Variants in KNL1 observed in about 807,000 individuals in gnomAD.
KNL1 encodes outer kinetochore KNL1 complex subunit KNL1.
A neutral mutation model predicts 201.3 loss-of-function variants in KNL1; 66 were observed. The observed-to-expected ratio is 0.33, with a 90% confidence interval of 0.27 to 0.40. The LOEUF (loss-of-function observed/expected upper bound fraction) is 0.40. Ranked by LOEUF, KNL1 falls within the 10% of genes least tolerant of loss-of-function variation. KNL1 has a pLI of 1.00. For missense variants in KNL1, 2,815 were observed against 2,690.5 expected (o/e 1.05, Z -1.02); for synonymous variants, 895 against 899.2 (o/e 1.00, Z 0.08).
rs1892580058 is a variant in KNL1, at chr15:40,622,600, T to G, written c.2336T>G (p.Leu779Arg). Reference protein sequence around the residue: ...TVVIGFGPSELQELGKTNLEH... With the variant: ...TVVIGFGPSERQELGKTNLEH... ...GTCATTGGATTTGGTCCTTCTGAAC[T>G]ACAAGAACTTGGTAAAACTAATTTA... is the stretch of plus-strand genomic sequence containing the variant. The change falls in exon 10 of 26, where the codon CTA (leucine) becomes CGA (arginine). Residue 779 changes from leucine (L) to arginine (R), a missense_variant. Coordinates refer to ENST00000399668, the MANE Select transcript of KNL1 (RefSeq NM_144508.5). 14 of 1,607,408 alleles carry G rather than the reference T, an allele frequency of 8.7e-6. 1 individual carries two copies. The highest frequency in any genetic ancestry group is 1.7e-4 in the Middle Eastern group (1 of 6,040).
rs1270326551 is a variant in KNL1, at chr15:40,620,832, A to G, written c.568A>G (p.Thr190Ala). The stretch of plus-strand genomic sequence containing the variant: ...ATTTCTAGCTAATTTAAAGCTTCAC[A>G]CCGAGGACTCAAGAATGAAAAAAGA... ...TSFLANLKLHTEDSRMKKEVN... is the reference protein window; with the variant it reads ...TSFLANLKLHAEDSRMKKEVN... Residue 190 changes from threonine to alanine, a missense_variant, in exon 10 of 26, where the codon ACC becomes GCC. Coordinates refer to ENST00000399668, the MANE Select transcript of KNL1 (RefSeq NM_144508.5). The G allele has an allele frequency of 6.2e-7, 1 of 1,604,552 alleles. No individual in the cohort carries two copies. The highest frequency in any genetic ancestry group is 2.2e-5 in the East Asian group (1 of 44,828).
Position 40,622,349 on chromosome 15 carries a change from G to A in KNL1, c.2085G>A (p.Leu695=), listed in dbSNP as rs1449498253. The change falls in exon 10 of 26, where the codon TTG becomes TTA. Residue 695 remains leucine, a synonymous_variant. Transcript: ENST00000399668. ...NRNTVSWEQS[L]FSTTKPLFSS... ...ATACAGTATCATGGGAACAATCTTT[G>A]TTTTCTACCACAAAGCCATTATTTT... 1 of 1,613,724 alleles carries A rather than the reference G, an allele frequency of 6.2e-7. No individual in the cohort carries two copies. The highest frequency in any genetic ancestry group is 8.5e-7 in the Non-Finnish European group (1 of 1,179,884).
At chr15:40,636,077 A>G (rs1893047705) in intron 13 of KNL1, among the ~76,000 whole-genome samples, 1 of 152,136 alleles carries the variant, frequency 6.6e-6, no homozygotes, top group Admixed American at 6.5e-5. Flanking sequence ...ACCTCTGGTG[A>G]TCTGCCTGCC....
At chr15:40,615,058 T>G (rs1467050693) in intron 7 of KNL1, among the ~76,000 whole-genome samples, 8 of 152,214 alleles carry the variant, frequency 5.3e-5, no homozygotes, top group Admixed American at 5.2e-4. Flanking sequence ...CCACCACGGC[T>G]GGCTGATAAT....
At chr15:40,604,995 G>A in intron 2 of KNL1, 115 bp from the exon 3 acceptor site, 1 of 641,790 alleles carries the variant, frequency 1.6e-6, no homozygotes, top group South Asian at 2.0e-5. Flanking sequence ...GCTTGCCAGA[G>A]TGCTAAGAGA....
chr15:40,650,143 G>T, intron 17 of KNL1, 158 bp from the exon 18 acceptor site: 34 of 439,076 alleles, frequency 7.7e-5, no homozygotes, highest in East Asian at 1.3e-4. Context: ...AAAAAAAATA[G>T]AAACCATCAG....
chr15:40,609,852 TA>T (rs955104360), intron 5 of KNL1, among the ~76,000 whole-genome samples: 2 of 152,044 alleles, frequency 1.3e-5, no homozygotes, highest in African/African-American at 4.8e-5. Flanking sequence ...TAAAAATAAA[TA>T]AATAAATAAA....
Position 40,625,490 on chromosome 15 carries a change from C to T in KNL1, c.5226C>T (p.Tyr1742=), listed in dbSNP as rs1595928817. 1 of 1,612,962 alleles carries T rather than the reference C, an allele frequency of 6.2e-7. No individual in the cohort carries two copies. The highest frequency in any genetic ancestry group is 8.5e-7 in the Non-Finnish European group (1 of 1,179,790). Residue 1742 remains tyrosine, a synonymous_variant, in exon 10 of 26, where the codon TAC becomes TAT. Coordinates refer to ENST00000399668, the MANE Select transcript of KNL1 (RefSeq NM_144508.5). ...ETEEKALIET[Y]QKEISPYENK... ...AGGAAAAGGCCTTGATTGAGACATA[C>T]CAAAAAGAGATTTCACCATATGAAA... is the stretch of plus-strand genomic sequence containing the variant.
Position 40,624,571 on chromosome 15 carries a change from A to T in KNL1, c.4307A>T (p.Asp1436Val). ...PKDQMKVYVD[D>V]IYVIPQPHFS... ...GATCAAATGAAAGTCTATGTTGATGACATTTATGTTATTCCTCAGCCTCAT... is the reference window on the plus strand; with the variant it reads ...GATCAAATGAAAGTCTATGTTGATGTCATTTATGTTATTCCTCAGCCTCAT... The change falls in exon 10 of 26, where the codon GAC becomes GTC. Residue 1436 changes from aspartate (D) to valine (V), a missense_variant. Physicochemically the swap from Asp to Val is radical, Grantham distance 152 (BLOSUM62 -3). Coordinates refer to ENST00000399668, the MANE Select transcript of KNL1 (RefSeq NM_144508.5). The T allele has an allele frequency of 1.2e-6, 2 of 1,613,924 alleles. No homozygotes were observed. Among genetic ancestry groups the T allele is most frequent in the Non-Finnish European group, 8.5e-7 (1 of 1,179,810 alleles).
chr15:40,629,651 G>A (rs897011294), intron 13 of KNL1, among the ~76,000 whole-genome samples: 16 of 151,242 alleles, frequency 1.1e-4, no homozygotes, highest in Admixed American at 5.3e-4. Context: ...CTACAGGCGC[G>A]TGCCACCACA....
At chr15:40,650,249 C>CT (rs1012441011) in intron 17 of KNL1, 52 bp from the exon 18 acceptor site, 16 of 1,115,864 alleles carry the variant, frequency 1.4e-5, no homozygotes, top group East Asian at 1.0e-4. Flanking sequence ...ACTTTGTTTT[C>CT]TTTTTTTACT....
Position 40,623,944 on chromosome 15 carries a change from C to T in KNL1, c.3680C>T (p.Thr1227Ile). 1 of 1,613,458 alleles carries T rather than the reference C, an allele frequency of 6.2e-7. No homozygotes were observed. The highest frequency in any genetic ancestry group is 8.5e-7 in the Non-Finnish European group (1 of 1,179,912). ...GTAGGAAACAAAATAGTTCTTCACA[C>T]CGAGCAAAAGCAACAACTCTTTGCT... The part of the protein sequence containing the change: ...LAVGNKIVLH[T>I]EQKQQLFAAT... The change falls in exon 10 of 26, where the codon ACC becomes ATC. Residue 1227 changes from threonine to isoleucine, a missense_variant. Transcript: ENST00000399668.
At chr15:40,660,496 C>T (rs1328083333) in intron 25 of KNL1, among the ~76,000 whole-genome samples, 1 of 151,584 alleles carries the variant, frequency 6.6e-6, no homozygotes, top group South Asian at 2.1e-4. Context: ...GAAACCCCGC[C>T]TCTACTAAAA....
At chr15:40,610,622 A>G (rs1000797165) in intron 6 of KNL1, among the ~76,000 whole-genome samples, 1 of 152,174 alleles carries the variant, frequency 6.6e-6, no homozygotes, top group Non-Finnish European at 1.5e-5. Flanking sequence ...ACTTGAGTCC[A>G]GAAGATTGAG....
At chr15:40,641,894 TA>T (rs1302907693) in intron 14 of KNL1, among the ~76,000 whole-genome samples, 2 of 152,208 alleles carry the variant, frequency 1.3e-5, no homozygotes, top group Non-Finnish European at 2.9e-5. Context: ...ATGGTATACG[TA>T]AATACTGCAG....
intron 13 of KNL1, among the ~76,000 whole-genome samples, chr15:40,636,923 A>G (rs1893071394): frequency 6.6e-6 from 1 of 152,192 alleles, no homozygotes; most frequent in South Asian, 2.1e-4. Flanking sequence ...TCAATCTATA[A>G]GTATTTCAAT....
rs1335638614 is a variant in KNL1, at chr15:40,640,066, CTTTTCTTTTCTTTTTTTTCTTT to C, written c.5683-827_5683-806del. 1.1e-4 allele frequency among the ~76,000 whole-genome samples: 15 copies of C among 142,730 alleles called. No homozygotes were observed. The South Asian group carries it at 1.4e-3, about 13-fold the overall frequency. 93.6% of individuals were successfully genotyped at this position (142,730 alleles called of 152,430 possible). A position where few individuals can be genotyped will look rare whatever the true frequency, so the allele number is the denominator to read the frequency against. ...AATAAGGAGCTGACTTGATTTTTTT[CTTTTCTTTTCTTTTTTTTCTTT>C]TTTTCTTTTCTTTTTTTTTTTTTTT... On this transcript the variant is annotated intron_variant, in intron 13 of 25. Coordinates refer to ENST00000399668, the MANE Select transcript of KNL1 (RefSeq NM_144508.5).
At chr15:40,607,083 A>G (rs779139728) in intron 4 of KNL1, among the ~76,000 whole-genome samples, 1 of 152,142 alleles carries the variant, frequency 6.6e-6, no homozygotes, top group Non-Finnish European at 1.5e-5. Flanking sequence ...TGTTTTTAGT[A>G]TAGACAGGGT....
Position 40,641,015 on chromosome 15 carries a change from A to C in KNL1, c.5786A>C (p.Gln1929Pro). 1 of 1,605,080 alleles carries C rather than the reference A, an allele frequency of 6.2e-7. No individual in the cohort carries two copies. ...AGAGAAGATTGTGAGGCTCGTCGCC[A>C]AAAGATTGAAGAGTATGAAAGCTTT... ...IYREDCEARRQKIEELKLSAS... is the reference protein window; with the variant it reads ...IYREDCEARRPKIEELKLSAS... Residue 1929 changes from glutamine to proline, a missense_variant, in exon 14 of 26, where the codon CAA (glutamine) becomes CCA (proline). Physicochemically the swap from Gln to Pro is moderately conservative, Grantham distance 76. Around this residue, in one of 3 missense-constraint regions of KNL1, gnomAD observed 2,464 missense variants for 2,291.7 expected, o/e 1.08. Transcript: ENST00000399668.
Sources: gnomAD v4.1 joint callset for allele counts (sites outside exome capture counted in the v4.1 genomes callset) on GRCh38, gnomAD v4.1.1 for gene constraint, gnomAD v4.1.1 regional missense constraint, MANE v1.5 for transcripts, NCBI Gene and HGNC (gene_info 2026-07-23, HGNC 2026-07-21) for gene names.